Variants in LHFPL6 observed in about 807,000 individuals in gnomAD.
The protein encoded by LHFPL6 is LHFPL tetraspan subfamily member 6.
LHFPL6 carries 9 observed loss-of-function variants against 20.6 expected under a neutral mutation model. The observed-to-expected ratio is 0.44, with a 90% CI of 0.26 to 0.76. LHFPL6 has a LOEUF of 0.76. Ranked by LOEUF, LHFPL6 falls within the 30% of genes least tolerant of loss-of-function variation. The pLI is 0.20. For synonymous variants in LHFPL6, 105 were observed against 98.7 expected (o/e 1.06, Z -0.38); for missense variants, 218 against 253.5 (o/e 0.86, Z 0.95).
At position 39,528,399 on chromosome 13, in the gene LHFPL6, G is replaced by T. The variant is rs142375751; in HGVS notation, c.385+72433C>A. 1.4e-4 allele frequency among the ~76,000 whole-genome samples: 22 copies of T among 152,234 alleles called. No homozygotes were observed. The South Asian group carries it at 1.7e-3, about 11-fold the overall frequency. On this transcript the variant is annotated intron_variant, in intron 2 of 3. Transcript: ENST00000379589. ...TAAAGCTCATCTAATAAGGTCCCATGGTCACCTCCTAGAGAATTTAAAAGC... is the reference window on the plus strand; with the variant it reads ...TAAAGCTCATCTAATAAGGTCCCATTGTCACCTCCTAGAGAATTTAAAAGC...
chr13:39,572,690 TA>T (rs1422624228), intron 2 of LHFPL6, among the ~76,000 whole-genome samples: 4 of 152,214 alleles, frequency 2.6e-5, no homozygotes, highest in African/African-American at 9.6e-5. Flanking sequence ...TCCTGTCCTC[TA>T]TTTCCTTTAA....
At chr13:39,410,632 A>G (rs1469358397) in intron 2 of LHFPL6, among the ~76,000 whole-genome samples, 6 of 152,192 alleles carry the variant, frequency 3.9e-5, no homozygotes, top group Non-Finnish European at 8.8e-5. Flanking sequence ...ATGTATGAAT[A>G]ACATTCACAA....
chr13:39,547,984 C>A (rs1871031644), intron 2 of LHFPL6, among the ~76,000 whole-genome samples: 1 of 151,986 alleles, frequency 6.6e-6, no homozygotes, highest in South Asian at 2.1e-4. Flanking sequence ...TTATCCCACT[C>A]CCTGGAAAAT....
At chr13:39,433,306 A>G (rs1871866448) in intron 2 of LHFPL6, among the ~76,000 whole-genome samples, 1 of 152,240 alleles carries the variant, frequency 6.6e-6, no homozygotes, top group Admixed American at 6.5e-5. Flanking sequence ...AAAATAAAAC[A>G]AAAGAAATTC....
At chr13:39,574,097 C>G (rs1156852407) in intron 2 of LHFPL6, among the ~76,000 whole-genome samples, 1 of 152,160 alleles carries the variant, frequency 6.6e-6, no homozygotes, top group East Asian at 1.9e-4. Flanking sequence ...TCCAGCTCAG[C>G]CAGTAGCCTG....
chr13:39,463,805 T>C lies in LHFPL6; in HGVS notation c.386-85279A>G, dbSNP rs571572848. Among the ~76,000 whole-genome samples, 128 of 152,314 alleles carry C rather than the reference T, an allele frequency of 8.4e-4. No homozygotes were observed. In the Middle Eastern group the frequency reaches 0.01, roughly 12 times the overall value. On this transcript the variant is annotated intron_variant, in intron 2 of 3. Coordinates refer to ENST00000379589, the MANE Select transcript of LHFPL6 (RefSeq NM_005780.3). ...TGTTGCAGCACACTCATGCTATAATTGGTTGCACGCAAGTTAACAAGCCCT... is the reference window on the plus strand; with the variant it reads ...TGTTGCAGCACACTCATGCTATAATCGGTTGCACGCAAGTTAACAAGCCCT...
intron 2 of LHFPL6, among the ~76,000 whole-genome samples, chr13:39,559,849 A>G (rs1237229768): frequency 2.6e-5 from 4 of 152,266 alleles, no homozygotes; most frequent in Non-Finnish European, 5.9e-5. Context: ...CTTGGGGAGT[A>G]CTACGGCAGT....
At chr13:39,385,734 G>A (rs193190251) in intron 2 of LHFPL6, among the ~76,000 whole-genome samples, 2 of 152,334 alleles carry the variant, frequency 1.3e-5, no homozygotes, top group East Asian at 3.9e-4. Flanking sequence ...CACTTAGCCA[G>A]CGGACTATTA....
At chr13:39,429,074 T>C (rs909912796) in intron 2 of LHFPL6, among the ~76,000 whole-genome samples, 3 of 152,144 alleles carry the variant, frequency 2.0e-5, no homozygotes, top group Admixed American at 6.5e-5. Context: ...TTATCATACA[T>C]ATTCCTCTTG....
At chr13:39,398,266 C>A (rs73456930) in intron 2 of LHFPL6, among the ~76,000 whole-genome samples, 10,293 of 152,236 alleles carry the variant, frequency 0.068, 404 homozygotes, top group Non-Finnish European at 0.083. Flanking sequence ...ATTGTAAAAT[C>A]TCCTAAGGAA....
chr13:39,402,087 A>C (rs541258862), intron 2 of LHFPL6, among the ~76,000 whole-genome samples: 1 of 152,350 alleles, frequency 6.6e-6, no homozygotes, highest in East Asian at 1.9e-4. Flanking sequence ...AAGACTCCAT[A>C]AGAAAAAAAG....
chr13:39,465,434 C>T (rs560562158), intron 2 of LHFPL6, among the ~76,000 whole-genome samples: 11 of 152,268 alleles, frequency 7.2e-5, no homozygotes, highest in South Asian at 4.1e-4. Context: ...AATTTAGGAA[C>T]TACTTTTCCA....
chr13:39,441,803 A>G (rs115434061), intron 2 of LHFPL6, among the ~76,000 whole-genome samples: 1,778 of 148,744 alleles, frequency 0.012, 37 homozygotes, highest in African/African-American at 0.042. Context: ...GTAAGCCACT[A>G]CACTGCACCT....
chr13:39,429,800 G>A (rs1382226771), intron 2 of LHFPL6, among the ~76,000 whole-genome samples: 1 of 152,102 alleles, frequency 6.6e-6, no homozygotes, highest in Non-Finnish European at 1.5e-5. Context: ...TCTTTGTCAA[G>A]GCCACTGACT....
intron 2 of LHFPL6, among the ~76,000 whole-genome samples, chr13:39,431,237 A>T (rs2033253875): frequency 6.6e-6 from 1 of 152,180 alleles, no homozygotes; most frequent in South Asian, 2.1e-4. Flanking sequence ...AAGAACTGTA[A>T]CACTCACTGC....
intron 2 of LHFPL6, among the ~76,000 whole-genome samples, chr13:39,560,504 CTTTTTTTT>C (rs376446144): frequency 2.5e-5 from 3 of 118,178 alleles, no homozygotes; most frequent in Non-Finnish European, 5.0e-5. Context: ...TGCAAATTCT[CTTTTTTTT>C]TTTTTTTTTT....
At chr13:39,428,351 T>C (rs1871697704) in intron 2 of LHFPL6, among the ~76,000 whole-genome samples, 1 of 152,226 alleles carries the variant, frequency 6.6e-6, no homozygotes, top group Admixed American at 6.5e-5. Context: ...ATGAAGCTTC[T>C]TATAGAGAAG....
At chr13:39,542,982 T>C (rs1475145926) in intron 2 of LHFPL6, among the ~76,000 whole-genome samples, 2 of 152,204 alleles carry the variant, frequency 1.3e-5, no homozygotes, top group Non-Finnish European at 2.9e-5. Flanking sequence ...TCTTCCCAAA[T>C]GGAAACTCTG....
chr13:39,407,345 C>A (rs955436446), intron 2 of LHFPL6, among the ~76,000 whole-genome samples: 1 of 152,162 alleles, frequency 6.6e-6, no homozygotes. Flanking sequence ...TGAGTACCCC[C>A]ACCTTCTGGC....
Sources: gnomAD v4.1 joint callset for allele counts (sites outside exome capture counted in the v4.1 genomes callset) on GRCh38, gnomAD v4.1.1 for gene constraint, MANE v1.5 for transcripts, NCBI Gene and HGNC (gene_info 2026-07-23, HGNC 2026-07-21) for gene names.